The following AGT variants were observed in gnomAD, a reference collection of about 807,000 sequenced individuals.
The protein encoded by AGT is alpha-1 antiproteinase, antitrypsin.
In AGT, 26 loss-of-function variants were observed where a neutral mutation model predicts 28.1. The observed-to-expected ratio is 0.92, with a 90% CI of 0.68 to 1.28. AGT has a LOEUF of 1.28. Among genes scored for constraint, AGT ranks in the 50% most tolerant of loss-of-function variants. The pLI is 0.00. For missense variants in AGT, 596 were observed against 592.3 expected (o/e 1.01, Z -0.06); for synonymous variants, 259 against 259.6 (o/e 1.00, Z 0.02).
chr1:230,710,994 G>T, intron 1 of AGT, 141 bp from the exon 2 acceptor site: 1 of 1,168,828 alleles, frequency 8.6e-7, no homozygotes, highest in Non-Finnish European at 1.2e-6. Flanking sequence ...AAAAAAAGAA[G>T]AAATGGATTC....
rs1271376354 is a variant in AGT at position 230,706,068 on chromosome 1, G to C, written c.962C>G (p.Ser321Trp). Residue 321 changes from serine (S) to tryptophan (W), a missense_variant, in exon 3 of 5, where the codon TCG becomes TGG. Coordinates refer to ENST00000366667, the MANE Select transcript of AGT (RefSeq NM_001384479.1). ...QHWSDIQDNF[S>W]VTQVPFTESA... ...CTCAGTGAAGGGCACTTGAGTCACC[G>C]AGAAGTTGTCCTGGATGTCACTCCA... The C allele has an allele frequency of 2.5e-6, 4 of 1,614,052 alleles. No homozygotes were observed. Among genetic ancestry groups the C allele is most frequent in the Non-Finnish European group, 3.4e-6 (4 of 1,180,034 alleles).
intron 1 of AGT, among the ~76,000 whole-genome samples, chr1:230,726,534 C>G (rs929578047): frequency 6.6e-6 from 1 of 152,038 alleles, no homozygotes; most frequent in Non-Finnish European, 1.5e-5. Flanking sequence ...AGATGTCACT[C>G]TACTGGCTAA....
Position 230,710,621 on chromosome 1 carries a change from G to A in AGT, c.203C>T (p.Ser68Phe), listed in dbSNP as rs753775475. The A allele has an allele frequency of 1.2e-6, 2 of 1,614,260 alleles. No homozygotes were observed. The highest frequency in any genetic ancestry group is 1.7e-6 in the Non-Finnish European group (2 of 1,180,048). Residue 68 changes from serine (S) to phenylalanine (F), a missense_variant, in exon 2 of 5, where the codon TCC (serine) becomes TTC (phenylalanine). By Grantham distance (155) the Ser-to-Phe change is radical. Transcript: ENST00000366667. ...CTGTAGGGCCTTTTCATCCACAGGGGATGTCTTGGCCTGAATTGGAGCAGG... is the reference window on the plus strand; with the variant it reads ...CTGTAGGGCCTTTTCATCCACAGGGAATGTCTTGGCCTGAATTGGAGCAGG... The part of the protein sequence containing the change: ...FIPAPIQAKT[S>F]PVDEKALQDQ...
intron 1 of AGT, among the ~76,000 whole-genome samples, chr1:230,743,022 C>T (rs575873552): frequency 5.3e-5 from 8 of 152,214 alleles, no homozygotes; most frequent in African/African-American, 1.9e-4. Context: ...GATGGAGTCT[C>T]GCTCCTCGCC....
At position 230,732,541 on chromosome 1, in the gene AGT, C is replaced by A. The variant is rs373656448; in HGVS notation, c.-31+12974G>T. On this transcript the variant is annotated intron_variant, in intron 1 of 4. Coordinates refer to the AGT transcript ENST00000681269. ...AATAACTTTTGACTCTCCCCAAACTCAACTCCTAATAGCCCACTGTTGATC... is the reference window on the plus strand; with the variant it reads ...AATAACTTTTGACTCTCCCCAAACTAAACTCCTAATAGCCCACTGTTGATC... Among the ~76,000 whole-genome samples the A allele has an allele frequency of 5.9e-5, 9 of 152,308 alleles. No individual in the cohort carries two copies. The East Asian group carries it at 1.7e-3, about 29-fold the overall frequency.
chr1:230,703,156 C>T lies in AGT; in HGVS notation c.1416G>A (p.Pro472=), dbSNP rs557779167. Residue 472 remains proline (P), a synonymous_variant, in exon 5 of 5, where the codon CCG becomes CCA. Transcript: ENST00000366667. ...GGCCCTGGCCTCATGCTGTGCTCAG[C>T]GGGTTGGCCACGCGGCCCAGGAAGT... The part of the protein sequence containing the change: ...ALHFLGRVAN[P]LSTA 12 of 1,613,824 alleles carry T rather than the reference C, an allele frequency of 7.4e-6. No individual in the cohort carries two copies. Among genetic ancestry groups the T allele is most frequent in the South Asian group, 2.2e-5 (2 of 91,066 alleles).
intron 1 of AGT, among the ~76,000 whole-genome samples, chr1:230,722,995 TTGTAATCCCCACCTGTCAAGGGAGGCACC>T (rs1205722213): frequency 7.6e-4 from 116 of 152,260 alleles, no homozygotes; most frequent in Admixed American, 1.1e-3. Context: ...TCATCTCGAA[TTGTAATCCCCACCTGTCAAGGGAGGCACC>T]TGTAATCCCC....
chr1:230,721,831 G>A (rs1436719452), intron 1 of AGT, among the ~76,000 whole-genome samples: 1 of 152,202 alleles, frequency 6.6e-6, no homozygotes, highest in Non-Finnish European at 1.5e-5. Flanking sequence ...TAAAAAGGAA[G>A]CAAAGCATAA....
intron 1 of AGT, among the ~76,000 whole-genome samples, chr1:230,739,588 T>C (rs767972283): frequency 6.6e-6 from 1 of 152,056 alleles, no homozygotes; most frequent in African/African-American, 2.4e-5. Flanking sequence ...GGAGCCAGGC[T>C]GAGCTTCCGG....
At chr1:230,717,393 C>T (rs1219845799), upstream of AGT, among the ~76,000 whole-genome samples, 1 of 152,108 alleles carries the variant, frequency 6.6e-6, no homozygotes, top group Non-Finnish European at 1.5e-5. Context: ...ATAAACTCCT[C>T]TCTCCAGCAA....
intron 1 of AGT, among the ~76,000 whole-genome samples, chr1:230,726,147 G>T (rs1321170126): frequency 1.3e-5 from 2 of 152,202 alleles, no homozygotes; most frequent in East Asian, 3.8e-4. Context: ...GATCTTCCAG[G>T]TGAATGGAAT....
upstream of AGT, among the ~76,000 whole-genome samples, chr1:230,716,821 A>T (rs1293691501): frequency 6.6e-6 from 1 of 151,978 alleles, no homozygotes; most frequent in African/African-American, 2.4e-5. Flanking sequence ...AACAGATACC[A>T]TCAGTCAGAA....
chr1:230,723,765 C>T (rs546916175), intron 1 of AGT, among the ~76,000 whole-genome samples: 28 of 152,278 alleles, frequency 1.8e-4, no homozygotes, highest in African/African-American at 6.3e-4. Flanking sequence ...TCTTTGTCCA[C>T]TCTCAAGCAG....
In AGT at chr1:230,703,062, G is replaced by A; in HGVS notation, c.*79C>T. ...GTGACACATCGCTGATTTGTCCGGGGTTGTTATCTGCTGCTGGCCTTTGCC... is the reference window on the plus strand; with the variant it reads ...GTGACACATCGCTGATTTGTCCGGGATTGTTATCTGCTGCTGGCCTTTGCC... On this transcript the variant is annotated 3_prime_UTR_variant, in exon 5 of 5. Transcript: ENST00000366667. 1 of 1,504,054 alleles carries A rather than the reference G, an allele frequency of 6.6e-7. No individual in the cohort carries two copies. The highest frequency in any genetic ancestry group is 1.1e-5 in the South Asian group (1 of 87,510). 93.2% of individuals were successfully genotyped at this position (1,504,054 alleles called of 1,614,324 possible).
chr1:230,729,047 G>T (rs968476292), intron 1 of AGT, among the ~76,000 whole-genome samples: 44 of 152,350 alleles, frequency 2.9e-4, no homozygotes, highest in African/African-American at 1.0e-3. Context: ...TACCCATGCA[G>T]TTAACTCAGT....
At chr1:230,742,846 G>A (rs1348313697) in intron 1 of AGT, among the ~76,000 whole-genome samples, 2 of 152,206 alleles carry the variant, frequency 1.3e-5, no homozygotes, top group Admixed American at 6.5e-5. Flanking sequence ...TTTTCGGGGT[G>A]CGGCTCTATC....
At chr1:230,716,413 T>C (rs550494071), upstream of AGT, among the ~76,000 whole-genome samples, 40 of 152,298 alleles carry the variant, frequency 2.6e-4, no homozygotes, top group South Asian at 7.9e-3. Flanking sequence ...ATGAAGACTG[T>C]TGAATGAAAA....
intron 1 of AGT, among the ~76,000 whole-genome samples, chr1:230,725,142 TA>T: frequency 6.6e-6 from 1 of 152,344 alleles, no homozygotes; most frequent in Non-Finnish European, 1.5e-5. Context: ...CTACACTACA[TA>T]AAAATTGATT....
Position 230,703,312 on chromosome 1 carries a change from A to G in AGT, c.1260T>C (p.Phe420=). The G allele has an allele frequency of 6.2e-7, 1 of 1,614,220 alleles. No individual in the cohort carries two copies. The highest frequency in any genetic ancestry group is 1.1e-5 in the South Asian group (1 of 91,082). Residue 420 remains phenylalanine (F), a synonymous_variant, in exon 5 of 5, where the codon TTT becomes TTC. Transcript: ENST00000366667. ...IRVGEVLNSI[F]FELEADEREP... is the part of the protein sequence containing the mutation. Reference sequence around the variant, plus strand: ...CTCTCTCATCCGCTTCAAGCTCAAAAAAAATGCTGTTCAGCACCTGCAAAG... The same window carrying G: ...CTCTCTCATCCGCTTCAAGCTCAAAGAAAATGCTGTTCAGCACCTGCAAAG...
Sources: allele counts gnomAD v4.1 joint callset (sites outside exome capture counted in the v4.1 genomes callset), GRCh38; gene constraint gnomAD v4.1.1; transcripts MANE v1.5; gene names NCBI Gene and HGNC (gene_info 2026-07-23, HGNC 2026-07-21).